PPFIA2: variants seen among roughly 807,000 people sequenced by gnomAD.
PPFIA2 encodes the protein PPFI scaffold protein A2.
Under a neutral mutation model 175.5 loss-of-function variants are expected in PPFIA2, and 46 were observed. That is an observed-to-expected ratio of 0.26 (90% confidence interval 0.21 to 0.34). The LOEUF is 0.34. Among genes scored for constraint, PPFIA2 ranks in the 10% least tolerant of loss-of-function variants. The pLI is 1.00. For synonymous variants in PPFIA2, 568 were observed against 511.4 expected (o/e 1.11, Z -1.49); for missense variants, 1,179 against 1,506.1 (o/e 0.78, Z 3.60).
At chr12:81,302,406 G>C (rs2048075119) in intron 22 of PPFIA2, among the ~76,000 whole-genome samples, 1 of 152,100 alleles carries the variant, frequency 6.6e-6, no homozygotes, top group Admixed American at 6.6e-5. Context: ...TAACACAATT[G>C]TTTGGGAAAT....
chr12:81,281,194 G>T, intron 27 of PPFIA2, 63 bp downstream of exon 27: 1 of 1,272,944 alleles, frequency 7.9e-7, no homozygotes, highest in Non-Finnish European at 1.1e-6. Context: ...TTTTACTAAA[G>T]TATAGGTAAT....
At chr12:81,482,885 T>G (rs1235389093) in intron 4 of PPFIA2, among the ~76,000 whole-genome samples, 1 of 152,008 alleles carries the variant, frequency 6.6e-6, no homozygotes, top group Non-Finnish European at 1.5e-5. Flanking sequence ...AACTTATATA[T>G]ATATATATAC....
intron 21 of PPFIA2, among the ~76,000 whole-genome samples, chr12:81,338,440 T>C (rs2057471585): frequency 6.6e-6 from 1 of 152,094 alleles, no homozygotes; most frequent in Non-Finnish European, 1.5e-5. Context: ...TAAATACATA[T>C]TTAAGTAGTA....
chr12:81,353,311 T>C lies in PPFIA2; in HGVS notation c.1802A>G (p.Asn601Ser). Reference sequence around the variant, plus strand: ...TAGTACTCCAATCTGTTGAGTTCTATTCCACTCGTGATCCCCAAGAGATTT... The same window carrying C: ...TAGTACTCCAATCTGTTGAGTTCTACTCCACTCGTGATCCCCAAGAGATTT... ...KVKSLGDHEW[N>S]RTQQIGVLSS... Residue 601 changes from asparagine to serine, a missense_variant, in exon 17 of 33, where the codon AAT (asparagine) becomes AGT (serine). Physicochemically the swap from Asn to Ser is conservative, Grantham distance 46. Coordinates refer to ENST00000549396, the MANE Select transcript of PPFIA2 (RefSeq NM_003625.5). The C allele has an allele frequency of 1.2e-6, 2 of 1,613,392 alleles. No individual in the cohort carries two copies. Among genetic ancestry groups the C allele is most frequent in the Non-Finnish European group, 1.7e-6 (2 of 1,179,486 alleles).
chr12:81,337,331 A>G (rs1413078490), intron 21 of PPFIA2, among the ~76,000 whole-genome samples: 2 of 152,064 alleles, frequency 1.3e-5, no homozygotes, highest in African/African-American at 2.4e-5. Context: ...AAGCAATATT[A>G]CTCAGAGCTC....
At chr12:81,577,109 G>A (rs2073684710) in intron 4 of PPFIA2, among the ~76,000 whole-genome samples, 1 of 151,696 alleles carries the variant, frequency 6.6e-6, no homozygotes, top group Non-Finnish European at 1.5e-5. Context: ...TACTTAATAG[G>A]AATTCAAATT....
chr12:81,382,189 A>G (rs2037873454), intron 9 of PPFIA2, among the ~76,000 whole-genome samples: 1 of 152,154 alleles, frequency 6.6e-6, no homozygotes, highest in Non-Finnish European at 1.5e-5. Flanking sequence ...GAGAGAAAAG[A>G]AAATGTAACA....
chr12:81,611,398 C>T (rs1045748739), intron 4 of PPFIA2, among the ~76,000 whole-genome samples: 1 of 152,102 alleles, frequency 6.6e-6, no homozygotes, highest in African/African-American at 2.4e-5. Context: ...GAGTGCTGGC[C>T]GCAGCACTGA....
intron 7 of PPFIA2, among the ~76,000 whole-genome samples, chr12:81,438,236 G>T (rs917535658): frequency 6.6e-6 from 1 of 152,194 alleles, no homozygotes; most frequent in Non-Finnish European, 1.5e-5. Context: ...TTGGGAGGCC[G>T]AGGCAGGCGA....
intron 4 of PPFIA2, among the ~76,000 whole-genome samples, chr12:81,570,833 A>G (rs1260905660): frequency 6.6e-6 from 1 of 151,770 alleles, no homozygotes; most frequent in East Asian, 1.9e-4. Flanking sequence ...CTACCAGGAG[A>G]TATCATCCCA....
intron 4 of PPFIA2, among the ~76,000 whole-genome samples, chr12:81,511,004 G>A (rs990078273): frequency 6.6e-6 from 1 of 151,870 alleles, no homozygotes; most frequent in African/African-American, 2.4e-5. Context: ...ATGGCAGCTG[G>A]GTAGATGTGG....
At chr12:81,644,197 C>T (rs1195165475) in intron 4 of PPFIA2, among the ~76,000 whole-genome samples, 2 of 151,866 alleles carry the variant, frequency 1.3e-5, no homozygotes, top group Admixed American at 1.3e-4. Context: ...TTTACTTTTG[C>T]TAGATAATCT....
chr12:81,643,042 CAT>C (rs1469800103), intron 4 of PPFIA2, among the ~76,000 whole-genome samples: 1 of 145,722 alleles, frequency 6.9e-6, no homozygotes, highest in Non-Finnish European at 1.5e-5. Flanking sequence ...TTTATTATTA[CAT>C]GTTATATATA....
chr12:81,385,996 C>T (rs907778823), intron 8 of PPFIA2, among the ~76,000 whole-genome samples: 14 of 151,850 alleles, frequency 9.2e-5, no homozygotes, highest in Non-Finnish European at 1.0e-4. Flanking sequence ...AAGTAAAAGG[C>T]CTGGTGTTGT....
chr12:81,572,232 C>G (rs995029512), intron 4 of PPFIA2, among the ~76,000 whole-genome samples: 1 of 151,984 alleles, frequency 6.6e-6, no homozygotes, highest in Non-Finnish European at 1.5e-5. Context: ...ACACAATCTG[C>G]TTGACCCATG....
intron 4 of PPFIA2, among the ~76,000 whole-genome samples, 175 bp from the exon 5 acceptor site, chr12:81,458,041 A>G (rs1471564992): frequency 1.3e-5 from 2 of 152,190 alleles, no homozygotes; most frequent in Non-Finnish European, 2.9e-5. Flanking sequence ...CTAATCCATA[A>G]TATGTGTCAT....
chr12:81,420,918 G>GA (rs2046130374), intron 7 of PPFIA2, among the ~76,000 whole-genome samples: 1 of 151,034 alleles, frequency 6.6e-6, no homozygotes, highest in Non-Finnish European at 1.5e-5. Flanking sequence ...AAAGCCAAAA[G>GA]AAAAAAGCAA....
At chr12:81,389,712 T>C (rs756724947) in intron 8 of PPFIA2, among the ~76,000 whole-genome samples, 2 of 152,090 alleles carry the variant, frequency 1.3e-5, no homozygotes, top group Non-Finnish European at 2.9e-5. Flanking sequence ...TAACTTGACT[T>C]ACCTTTAAAA....
At chr12:81,439,166 C>CCTCT (rs375429110) in intron 7 of PPFIA2, among the ~76,000 whole-genome samples, 85 of 146,352 alleles carry the variant, frequency 5.8e-4, no homozygotes, top group Non-Finnish European at 6.0e-4. Context: ...TCTCTCTCTC[C>CCTCT]CTCTCTCTCT....
Sources: allele counts gnomAD v4.1 joint callset (sites outside exome capture counted in the v4.1 genomes callset), GRCh38; gene constraint gnomAD v4.1.1; transcripts MANE v1.5; gene names NCBI Gene and HGNC (gene_info 2026-07-23, HGNC 2026-07-21).